RAB3IL1: variants seen among roughly 807,000 people sequenced by gnomAD.
The protein encoded by RAB3IL1 is guanine nucleotide exchange factor for Rab-3A.
Under a neutral mutation model 49.2 loss-of-function variants are expected in RAB3IL1, and 37 were observed. The observed-to-expected ratio is 0.75, with a 90% CI of 0.58 to 0.99. The LOEUF (loss-of-function observed/expected upper bound fraction) is 0.99. Among genes scored for constraint, RAB3IL1 ranks in the 50% least tolerant of loss-of-function variants. RAB3IL1 has a pLI of 0.00. For synonymous variants in RAB3IL1, 193 were observed against 213.9 expected (o/e 0.90, Z 0.85); for missense variants, 484 against 513.0 (o/e 0.94, Z 0.55).
Position 61,897,691 on chromosome 11 carries a change from G to A in RAB3IL1, c.*587C>T, listed in dbSNP as rs540793042. On this transcript the variant is annotated 3_prime_UTR_variant, in exon 10 of 10. Coordinates refer to ENST00000394836, the MANE Select transcript of RAB3IL1 (RefSeq NM_013401.4). ...GAAGGGGGAAAGGAAGGGAGGAAGC[G>A]GGGGAGGGGTCTTGACTCATCTTAA... 2 of 152,142 alleles carry A rather than the reference G, an allele frequency of 1.3e-5. No homozygotes were observed. Among genetic ancestry groups the A allele is most frequent in the East Asian group, 1.9e-4 (1 of 5,186 alleles). 9.4% of individuals were successfully genotyped at this position (152,142 alleles called of 1,614,324 possible).
chr11:61,928,247 G>A, the RAB3IL1 span, among the ~76,000 whole-genome samples: 1 of 152,070 alleles, frequency 6.6e-6, no homozygotes, highest in Admixed American at 6.6e-5. Context: ...GTCTGCCAAA[G>A]CCACTTCCTT....
At chr11:61,926,943 C>G in the RAB3IL1 span, among the ~76,000 whole-genome samples, 1 of 151,260 alleles carries the variant, frequency 6.6e-6, no homozygotes, top group Non-Finnish European at 1.5e-5. Flanking sequence ...CTTCAACTCC[C>G]AGGTTCAAGC....
At chr11:61,918,729 A>G (rs1939815138), upstream of RAB3IL1, among the ~76,000 whole-genome samples, 1 of 152,226 alleles carries the variant, frequency 6.6e-6, no homozygotes, top group African/African-American at 2.4e-5. Context: ...ACAGCAAGGT[A>G]TGGAATCTGG....
At chr11:61,909,642 T>C (rs1939370752) in intron 1 of RAB3IL1, among the ~76,000 whole-genome samples, 1 of 152,142 alleles carries the variant, frequency 6.6e-6, no homozygotes. Flanking sequence ...ATCAACAGTG[T>C]CTATGCCAGA....
the RAB3IL1 span, chr11:61,945,699 C>A: frequency 2.2e-6 from 2 of 929,920 alleles, no homozygotes; most frequent in Non-Finnish European, 2.6e-6. Flanking sequence ...TTCCGCTACC[C>A]ACCTGCCACG....
At chr11:61,941,761 A>T in the RAB3IL1 span, among the ~76,000 whole-genome samples, 1 of 152,086 alleles carries the variant, frequency 6.6e-6, no homozygotes, top group South Asian at 2.1e-4. Flanking sequence ...CAAAAAAAAG[A>T]AGGAATATAC....
At chr11:61,915,567 A>T (rs534041083) in intron 1 of RAB3IL1, among the ~76,000 whole-genome samples, 1 of 152,262 alleles carries the variant, frequency 6.6e-6, no homozygotes, top group African/African-American at 2.4e-5. Flanking sequence ...CCGGCACAAG[A>T]CACAGGCTTC....
At chr11:61,941,522 G>A in the RAB3IL1 span, among the ~76,000 whole-genome samples, 1 of 152,240 alleles carries the variant, frequency 6.6e-6, no homozygotes, top group African/African-American at 2.4e-5. Context: ...GGAGGCTGAG[G>A]CAGGTGTATC....
intron 7 of RAB3IL1, 110 bp downstream of exon 7, chr11:61,904,436 T>C: frequency 9.2e-7 from 1 of 1,084,092 alleles, no homozygotes; most frequent in Non-Finnish European, 1.4e-6. Flanking sequence ...GCAGCAACTG[T>C]CCCTGTCCTG....
intron 9 of RAB3IL1, chr11:61,899,010 G>A (rs1198972704): frequency 1.9e-6 from 1 of 530,592 alleles, no homozygotes; most frequent in Non-Finnish European, 3.6e-6. Context: ...GGGTGACCCT[G>A]TGTTCAGGTG....
chr11:61,905,464 G>A (rs945203819), intron 5 of RAB3IL1, among the ~76,000 whole-genome samples: 5 of 152,190 alleles, frequency 3.3e-5, no homozygotes, highest in African/African-American at 1.2e-4. Context: ...GGCCAGGCCG[G>A]CTCGTAGGTG....
intron 1 of RAB3IL1, among the ~76,000 whole-genome samples, chr11:61,914,311 C>T (rs914313814): frequency 2.0e-5 from 3 of 152,224 alleles, no homozygotes; most frequent in Non-Finnish European, 4.4e-5. Flanking sequence ...CATTCCTGGG[C>T]CATCCATCAA....
chr11:61,903,672 T>C (rs1939034144), intron 7 of RAB3IL1, among the ~76,000 whole-genome samples: 1 of 152,122 alleles, frequency 6.6e-6, no homozygotes, highest in Non-Finnish European at 1.5e-5. Context: ...TACAGGCGTG[T>C]GCCACCACAC....
chr11:61,923,519 G>A (rs756310200), upstream of RAB3IL1, among the ~76,000 whole-genome samples: 28 of 152,198 alleles, frequency 1.8e-4, no homozygotes, highest in Non-Finnish European at 3.8e-4. Flanking sequence ...CACCTGGCTG[G>A]GCAGACTTTG....
At chr11:61,938,622 A>G in the RAB3IL1 span, among the ~76,000 whole-genome samples, 2 of 152,226 alleles carry the variant, frequency 1.3e-5, no homozygotes, top group Admixed American at 1.3e-4. Context: ...GAAACAGGCC[A>G]GCAAGAATAG....
chr11:61,918,819 C>G (rs949718668), upstream of RAB3IL1, among the ~76,000 whole-genome samples: 1 of 152,238 alleles, frequency 6.6e-6, no homozygotes, highest in Non-Finnish European at 1.5e-5. Flanking sequence ...CTAGGCAGTT[C>G]TCCATAGCAT....
the RAB3IL1 span, among the ~76,000 whole-genome samples, chr11:61,931,541 G>A: frequency 1.3e-5 from 2 of 152,070 alleles, no homozygotes; most frequent in African/African-American, 2.4e-5. Flanking sequence ...GACAACTAAG[G>A]AGAACCTCTA....
chr11:61,919,514 G>A (rs918051478), upstream of RAB3IL1, among the ~76,000 whole-genome samples: 2 of 152,194 alleles, frequency 1.3e-5, no homozygotes, highest in African/African-American at 2.4e-5. Context: ...CCAGCCAGGG[G>A]CAGTGGGGCT....
intron 8 of RAB3IL1, 152 bp from the exon 9 acceptor site, chr11:61,899,532 TCAA>T (rs950435470): frequency 4.7e-6 from 3 of 641,060 alleles, no homozygotes; most frequent in South Asian, 3.7e-5. Context: ...CAAGTAGTAA[TCAA>T]CAACAGCATG....
Sources: gnomAD v4.1 joint callset for allele counts (sites outside exome capture counted in the v4.1 genomes callset) on GRCh38, gnomAD v4.1.1 for gene constraint, MANE v1.5 for transcripts, NCBI Gene and HGNC (gene_info 2026-07-23, HGNC 2026-07-21) for gene names.